The following TET3 variants were observed in gnomAD, a reference collection of about 807,000 sequenced individuals.
The protein encoded by TET3 is methylcytosine dioxygenase TET3.
A neutral mutation model predicts 141.4 loss-of-function variants in TET3; 19 were observed. The ratio of observed to expected loss-of-function variants is 0.13; its 90% CI spans 0.09 to 0.20. TET3 has a LOEUF of 0.20. TET3 is among the 10% of genes least tolerant of loss of function. The probability of loss-of-function intolerance (pLI) is 1.00; values close to 1 mark genes in which losing one functional copy is unlikely to be tolerated. For missense variants in TET3, 1,874 were observed against 2,356.9 expected (o/e 0.80, Z 4.24); for synonymous variants, 1,043 against 980.9 (o/e 1.06, Z -1.18).
chr2:74,088,573 G>A (rs962560985), intron 7 of TET3, among the ~76,000 whole-genome samples: 4 of 152,050 alleles, frequency 2.6e-5, no homozygotes, highest in South Asian at 4.2e-4. Flanking sequence ...CTCGGGCGGC[G>A]GAAGTTGCAG....
At chr2:73,992,305 C>CTTTTTTTTTTTCTTTTTTTTCTTTCT (rs1684367698) in intron 2 of TET3, among the ~76,000 whole-genome samples, 115 of 144,142 alleles carry the variant, frequency 8.0e-4, no homozygotes, top group Middle Eastern at 3.5e-3. Context: ...TTTTTCTTTT[C>CTTTTTTTTTTTCTTTTTTTTCTTTCT]TTTTTTTTTT....
At chr2:74,124,325 T>C in the TET3 span, among the ~76,000 whole-genome samples, 2 of 142,066 alleles carry the variant, frequency 1.4e-5, no homozygotes, top group Admixed American at 6.9e-5. Context: ...GGTCAGCCCC[T>C]GCCCGGCCAG....
rs1168719312 is a variant in TET3, at chr2:73,985,006, G to A, written c.-576G>A. ...GCCGTCCCCTCCTCGGCCCGGGCGGGGGGCTCCGCGCGCTGAGCTCGGTCG... is the reference window on the plus strand; with the variant it reads ...GCCGTCCCCTCCTCGGCCCGGGCGGAGGGCTCCGCGCGCTGAGCTCGGTCG... On this transcript the variant is annotated 5_prime_UTR_variant, in exon 1 of 12. Transcript: ENST00000409262. 6.8e-6 allele frequency: 1 copy of A among 147,552 alleles called. No individual in the cohort carries two copies. The highest frequency in any genetic ancestry group is 1.5e-5 in the Non-Finnish European group (1 of 65,914). The allele number at this position is 147,552 out of a possible 1,614,324, so 9.1% of individuals were successfully genotyped here. A position where few individuals can be genotyped will look rare whatever the true frequency, so the allele number is the denominator to read the frequency against.
intron 7 of TET3, among the ~76,000 whole-genome samples, chr2:74,089,191 G>T (rs1228710695): frequency 2.6e-5 from 4 of 151,968 alleles, no homozygotes; most frequent in Non-Finnish European, 5.9e-5. Context: ...GCAGTCACCG[G>T]TCTTGTTTCC....
At chr2:74,056,997 G>A (rs1229450995) in intron 4 of TET3, among the ~76,000 whole-genome samples, 1 of 152,212 alleles carries the variant, frequency 6.6e-6, no homozygotes, top group Non-Finnish European at 1.5e-5. Context: ...AGGGAATGCA[G>A]GCAGAGCATG....
intron 3 of TET3, among the ~76,000 whole-genome samples, chr2:74,023,876 GGA>G (rs144537685): frequency 0.023 from 3,431 of 151,988 alleles, 140 homozygotes; most frequent in African/African-American, 0.079. Flanking sequence ...TTGGTTTTCA[GGA>G]GAGTCATCTC....
chr2:74,080,570 C>T lies in TET3; in HGVS notation c.2658C>T (p.Arg886=), dbSNP rs202076712. The change falls in exon 6 of 12, where the codon CGC becomes CGT. Residue 886 remains arginine (R), a synonymous_variant. Transcript: ENST00000409262. ...CGGGGAAGGAGGGAAAGAGCTCCCGCGGTTGCCCCATTGCAAAGTGGGTGA... is the reference window on the plus strand; with the variant it reads ...CGGGGAAGGAGGGAAAGAGCTCCCGTGGTTGCCCCATTGCAAAGTGGGTGA... ...IYTGKEGKSS[R]GCPIAKWVIR... 3.9e-4 allele frequency: 631 copies of T among 1,612,724 alleles called. 6 individuals carry two copies. The East Asian group carries it at 0.011, about 28-fold the overall frequency.
intron 3 of TET3, among the ~76,000 whole-genome samples, chr2:74,024,459 T>G (rs1686225842): frequency 6.6e-6 from 1 of 152,152 alleles, no homozygotes; most frequent in Non-Finnish European, 1.5e-5. Context: ...TTCAGGCTGT[T>G]GCCCAGCCTG....
At chr2:74,033,126 T>TA (rs1686844936) in intron 3 of TET3, among the ~76,000 whole-genome samples, 1 of 151,876 alleles carries the variant, frequency 6.6e-6, no homozygotes, top group African/African-American at 2.4e-5. Context: ...TTCACAGACA[T>TA]GTGTAGTTTG....
intron 10 of TET3, among the ~76,000 whole-genome samples, chr2:74,098,391 A>C (rs1016240540): frequency 1.3e-5 from 2 of 152,226 alleles, no homozygotes; most frequent in South Asian, 2.1e-4. Flanking sequence ...TATGTTAAGA[A>C]AAAAATGAAG....
intron 2 of TET3, among the ~76,000 whole-genome samples, chr2:73,987,816 T>C (rs929441510): frequency 6.6e-6 from 1 of 152,218 alleles, no homozygotes; most frequent in African/African-American, 2.4e-5. Context: ...TGCTTGCTTC[T>C]GAGGACTCGG....
chr2:74,130,674 T>G, the TET3 span: 4 of 152,128 alleles, frequency 2.6e-5, no homozygotes, highest in Admixed American at 6.6e-5. Flanking sequence ...CCCCCTCCCG[T>G]CCCTCCATCT....
downstream of TET3, among the ~76,000 whole-genome samples, chr2:74,113,024 A>AC (rs1230185929): frequency 2.4e-4 from 36 of 147,904 alleles, no homozygotes; most frequent in South Asian, 1.1e-3. Context: ...AAAAAAAAAA[A>AC]AAAAAAAAAA....
intron 2 of TET3, among the ~76,000 whole-genome samples, chr2:73,993,902 A>G (rs1416204503): frequency 6.6e-6 from 1 of 152,144 alleles, no homozygotes; most frequent in Non-Finnish European, 1.5e-5. Context: ...CTTAGGTCTC[A>G]TGGAACAATC....
Position 74,047,220 on chromosome 2 carries a change from G to A in TET3, c.1303G>A (p.Glu435Lys), listed in dbSNP as rs757238523. The change falls in exon 4 of 12, where the codon GAA becomes AAA. Residue 435 changes from glutamate to lysine, a missense_variant. Transcript: ENST00000409262. ...PPATPRTEFPEAWGTDTPPAT... is the reference protein window; with the variant it reads ...PPATPRTEFPKAWGTDTPPAT... ...AGCAACTCCTAGAACTGAGTTCCCT[G>A]AAGCCTGGGGCACTGACACCCCTCC... The A allele has an allele frequency of 1.2e-6, 2 of 1,613,974 alleles. No homozygotes were observed. Among genetic ancestry groups the A allele is most frequent in the Non-Finnish European group, 1.7e-6 (2 of 1,179,904 alleles).
In TET3 at chr2:74,087,214, A is replaced by G. The variant is rs1428275297; in HGVS notation, c.2680-616A>G. Among the ~76,000 whole-genome samples, 1 of 152,200 alleles carries G rather than the reference A, an allele frequency of 6.6e-6. No individual in the cohort carries two copies. The highest frequency in any genetic ancestry group is 1.5e-5 in the Non-Finnish European group (1 of 68,032). Reference sequence around the variant, plus strand: ...TATACCACGTCGTACTTACCTGTTCATCAACCGATGGACCCTGGGGGTGCT... The same window carrying G: ...TATACCACGTCGTACTTACCTGTTCGTCAACCGATGGACCCTGGGGGTGCT... On this transcript the variant is annotated intron_variant, in intron 6 of 11. Transcript: ENST00000409262. The surrounding 1 kb of genome is among the most constrained non-coding windows in gnomAD (Gnocchi z 4.3).
chr2:74,085,750 C>G (rs1247299346), intron 6 of TET3, among the ~76,000 whole-genome samples: 1 of 152,222 alleles, frequency 6.6e-6, no homozygotes, highest in Non-Finnish European at 1.5e-5. Flanking sequence ...CATAACAGGC[C>G]ACAGACCCAG....
intron 2 of TET3, among the ~76,000 whole-genome samples, chr2:73,991,303 G>T (rs1175070538): frequency 6.6e-6 from 1 of 151,822 alleles, no homozygotes; most frequent in Non-Finnish European, 1.5e-5. Flanking sequence ...GCAAACTCTG[G>T]CCGGGCACGG....
intron 4 of TET3, among the ~76,000 whole-genome samples, chr2:74,051,699 C>A (rs981131970): frequency 2.6e-5 from 4 of 152,184 alleles, no homozygotes; most frequent in Admixed American, 2.0e-4. Flanking sequence ...CTCACTTAAT[C>A]CTCATAGCAG....
Sources: allele counts gnomAD v4.1 joint callset (sites outside exome capture counted in the v4.1 genomes callset), GRCh38; gene constraint gnomAD v4.1.1; non-coding constraint Gnocchi (gnomAD v3.1); transcripts MANE v1.5; gene names NCBI Gene and HGNC (gene_info 2026-07-23, HGNC 2026-07-21).